LMAN2L: variants seen among roughly 807,000 people sequenced by gnomAD.
The protein encoded by LMAN2L is VIP36-like protein.
Under a neutral mutation model 44.3 loss-of-function variants are expected in LMAN2L, and 30 were observed. The ratio of observed to expected loss-of-function variants is 0.68; its 90% CI spans 0.51 to 0.92. LMAN2L has a LOEUF of 0.92. Among genes scored for constraint, LMAN2L ranks in the 40% least tolerant of loss-of-function variants. The probability of loss-of-function intolerance (pLI) is 0.00; values close to 1 mark genes in which losing one functional copy is unlikely to be tolerated. For synonymous variants in LMAN2L, 183 were observed against 171.1 expected (o/e 1.07, Z -0.54); for missense variants, 429 against 446.1 (o/e 0.96, Z 0.35).
intron 4 of LMAN2L, among the ~76,000 whole-genome samples, chr2:96,729,115 T>C (rs1377545064): frequency 6.6e-6 from 1 of 151,618 alleles, no homozygotes; most frequent in East Asian, 1.9e-4. Context: ...GAGCTTGCAG[T>C]GAGCTGAGAT....
chr2:96,738,514 AC>A (rs2078563339), intron 1 of LMAN2L, among the ~76,000 whole-genome samples: 1 of 151,978 alleles, frequency 6.6e-6, no homozygotes. Flanking sequence ...CCCTGTCTTT[AC>A]CAAAAAAAAA....
chr2:96,712,910 AG>A (rs2077958989), intron 4 of LMAN2L, among the ~76,000 whole-genome samples: 1 of 152,224 alleles, frequency 6.6e-6, no homozygotes, highest in African/African-American at 2.4e-5. Context: ...GAGGTGGTGA[AG>A]GGGTAACATG....
chr2:96,708,511 C>T (rs2077835560), intron 6 of LMAN2L, among the ~76,000 whole-genome samples: 1 of 152,216 alleles, frequency 6.6e-6, no homozygotes, highest in South Asian at 2.1e-4. Flanking sequence ...CATTGTATGT[C>T]AAGACGCATC....
intron 2 of LMAN2L, 136 bp from the exon 3 acceptor site, chr2:96,734,662 C>T (rs1287534095): frequency 3.1e-6 from 2 of 638,944 alleles, no homozygotes; most frequent in East Asian, 2.7e-5. Flanking sequence ...AAATCTAAGA[C>T]TTGCTATGTG....
intron 4 of LMAN2L, among the ~76,000 whole-genome samples, chr2:96,722,027 G>A (rs2078168432): frequency 6.6e-6 from 1 of 151,806 alleles, no homozygotes; most frequent in Admixed American, 6.6e-5. Context: ...GAATCCAGTG[G>A]CGCGATCTTG....
At position 96,734,606 on chromosome 2, in the gene LMAN2L, T is replaced by A. The variant is rs1035315788; in HGVS notation, c.307-80A>T. 4 of 888,474 alleles carry A rather than the reference T, an allele frequency of 4.5e-6. No homozygotes were observed. In the African/African-American group the frequency reaches 4.9e-5, roughly 11 times the overall value. 55.0% of individuals were successfully genotyped at this position (888,474 alleles called of 1,614,324 possible). On this transcript the variant is annotated intron_variant, in intron 2 of 7. Coordinates refer to ENST00000264963, the MANE Select transcript of LMAN2L (RefSeq NM_030805.4). ...AAGCCCACATCAGCAATCAACAGACTTGGAAAACACAAATGCAGGTAACAC... is the reference window on the plus strand; with the variant it reads ...AAGCCCACATCAGCAATCAACAGACATGGAAAACACAAATGCAGGTAACAC...
intron 4 of LMAN2L, among the ~76,000 whole-genome samples, chr2:96,730,208 C>CA (rs1020804762): frequency 1.3e-5 from 2 of 151,994 alleles, no homozygotes; most frequent in African/African-American, 4.8e-5. Flanking sequence ...CTGGAAGAAA[C>CA]AGAGAGACAA....
At chr2:96,732,151 CCTT>C (rs1480109409) in intron 4 of LMAN2L, among the ~76,000 whole-genome samples, 2 of 150,262 alleles carry the variant, frequency 1.3e-5, no homozygotes, top group Admixed American at 6.6e-5. Flanking sequence ...CCATGCCTGG[CCTT>C]CTAATGTTTT....
intron 6 of LMAN2L, among the ~76,000 whole-genome samples, chr2:96,709,894 T>C (rs1558946666): frequency 6.6e-6 from 1 of 152,172 alleles, no homozygotes; most frequent in Non-Finnish European, 1.5e-5. Flanking sequence ...AAACAAAAAA[T>C]TATTCTCCCC....
intron 6 of LMAN2L, among the ~76,000 whole-genome samples, chr2:96,708,150 A>G (rs1396164147): frequency 1.3e-5 from 2 of 152,250 alleles, no homozygotes; most frequent in African/African-American, 4.8e-5. Flanking sequence ...CCATACTTCA[A>G]AATTTGAGTT....
intron 2 of LMAN2L, 119 bp downstream of exon 2, chr2:96,737,830 T>C (rs1208882305): frequency 1.5e-6 from 1 of 651,820 alleles, no homozygotes; most frequent in South Asian, 2.0e-5. Context: ...ATAAAGATCC[T>C]TGATATCCAC....
chr2:96,738,725 G>A (rs544541448), intron 1 of LMAN2L, among the ~76,000 whole-genome samples: 1 of 151,810 alleles, frequency 6.6e-6, no homozygotes, highest in Admixed American at 6.6e-5. Flanking sequence ...GGCCTCCGGG[G>A]CTTAGTCACA....
At chr2:96,739,765 C>T in intron 1 of LMAN2L, 89 bp downstream of exon 1, 1 of 1,372,598 alleles carries the variant, frequency 7.3e-7, no homozygotes, top group South Asian at 1.2e-5. Context: ...CTCCGGGCCA[C>T]GAAGCCCTTC....
chr2:96,731,004 G>A (rs890878812), intron 4 of LMAN2L, among the ~76,000 whole-genome samples: 4 of 151,970 alleles, frequency 2.6e-5, no homozygotes, highest in Non-Finnish European at 5.9e-5. Flanking sequence ...TTAGGACCTC[G>A]GCTTTTTTCC....
intron 4 of LMAN2L, chr2:96,713,125 T>C: frequency 6.4e-7 from 1 of 1,551,354 alleles, no homozygotes; most frequent in Non-Finnish European, 8.7e-7. Context: ...CTGGAGAATA[T>C]CGCCTCTTCT....
chr2:96,709,544 G>A (rs1479718771), intron 6 of LMAN2L, among the ~76,000 whole-genome samples: 1 of 152,150 alleles, frequency 6.6e-6, no homozygotes, highest in Non-Finnish European at 1.5e-5. Context: ...TGCTTGGACT[G>A]CTAGAATCTT....
At chr2:96,711,176 C>T (rs1483881533) in intron 6 of LMAN2L, among the ~76,000 whole-genome samples, 1 of 152,160 alleles carries the variant, frequency 6.6e-6, no homozygotes, top group Non-Finnish European at 1.5e-5. Flanking sequence ...AGATAGAGCA[C>T]AGGTCTGAGT....
chr2:96,732,948 C>A (rs76596077), intron 4 of LMAN2L, among the ~76,000 whole-genome samples: 1 of 151,928 alleles, frequency 6.6e-6, no homozygotes, highest in South Asian at 2.1e-4. Flanking sequence ...GGGGTTTCAC[C>A]ATGTTGGCAA....
In LMAN2L at chr2:96,739,835, C is replaced by T. The variant is rs2078596534; in HGVS notation, c.187+19G>A. On this transcript the variant is annotated intron_variant, in intron 1 of 7. Coordinates refer to ENST00000264963, the MANE Select transcript of LMAN2L (RefSeq NM_030805.4). ...GAAGCCCGCCCCACTGCACGACCAC[C>T]TCACCCTGGGCGCCTCACCCTGGTA... The T allele has an allele frequency of 6.2e-7, 1 of 1,611,866 alleles. No homozygotes were observed. The highest frequency in any genetic ancestry group is 1.3e-5 in the African/African-American group (1 of 75,008).
Sources: gnomAD v4.1 joint callset for allele counts (sites outside exome capture counted in the v4.1 genomes callset) on GRCh38, gnomAD v4.1.1 for gene constraint, MANE v1.5 for transcripts, NCBI Gene and HGNC (gene_info 2026-07-23, HGNC 2026-07-21) for gene names.